The following STK40 variants were observed in gnomAD, a reference collection of about 807,000 sequenced individuals.
The protein encoded by STK40 is serine/threonine kinase 40, also known as serine/threonine-protein kinase 40.
In STK40, 13 loss-of-function variants were observed where a neutral mutation model predicts 47.9. That is an observed-to-expected ratio of 0.27 (90% CI 0.18 to 0.43). The LOEUF is 0.43. Among genes scored for constraint, STK40 ranks in the 20% least tolerant of loss-of-function variants. The pLI is 1.00. For synonymous variants in STK40, 225 were observed against 243.2 expected, an observed-to-expected ratio of 0.93 and a Z score of 0.69; for missense variants, 460 against 595.1, an observed-to-expected ratio of 0.77 and a Z score of 2.36.
intron 1 of STK40, among the ~76,000 whole-genome samples, chr1:36,380,244 T>G (rs1178638606): frequency 1.3e-5 from 2 of 152,192 alleles, no homozygotes; most frequent in African/African-American, 4.8e-5. Flanking sequence ...TCAGATCATT[T>G]TCTCGTTTAC....
At chr1:36,369,334 T>G (rs1346634671) in intron 1 of STK40, among the ~76,000 whole-genome samples, 1 of 152,110 alleles carries the variant, frequency 6.6e-6, no homozygotes, top group Non-Finnish European at 1.5e-5. Flanking sequence ...CAGCCACCTG[T>G]GTAAGTGGGG....
intron 2 of STK40, among the ~76,000 whole-genome samples, 159 bp downstream of exon 2, chr1:36,361,062 A>G (rs1646847834): frequency 2.0e-5 from 3 of 152,166 alleles, no homozygotes; most frequent in African/African-American, 7.2e-5. Flanking sequence ...ATTCTGTTTC[A>G]AGTAGTGAAG....
Position 36,355,411 on chromosome 1 carries a change from T to G in STK40, c.365A>C (p.Glu122Ala). 1 of 1,614,206 alleles carries G rather than the reference T, an allele frequency of 6.2e-7. No homozygotes were observed. The highest frequency in any genetic ancestry group is 8.5e-7 in the Non-Finnish European group (1 of 1,180,028). ...AACCATCCGGCTGGATTCTGTGTCC[T>G]CAACGATTTCACAGGTGCGGTCCTG... ...LFQDRTCEIV[E>A]DTESSRMVKK... The change falls in exon 5 of 11, where the codon GAG (glutamate) becomes GCG (alanine). Residue 122 changes from glutamate to alanine, a missense_variant. Physicochemically the swap from Glu to Ala is moderately radical, Grantham distance 107. Transcript: ENST00000373132.
intron 1 of STK40, among the ~76,000 whole-genome samples, chr1:36,382,251 C>T (rs1398045305): frequency 6.6e-6 from 1 of 152,088 alleles, no homozygotes; most frequent in Non-Finnish European, 1.5e-5. Context: ...GCAATCTCGG[C>T]TCACTGCACC....
chr1:36,353,560 G>A (rs541688101), intron 6 of STK40, among the ~76,000 whole-genome samples: 18 of 152,326 alleles, frequency 1.2e-4, no homozygotes, highest in Middle Eastern at 3.4e-3. Context: ...AGAGCTGGTG[G>A]CATTTTACAG....
chr1:36,351,385 G>C (rs928321183), intron 6 of STK40, among the ~76,000 whole-genome samples: 5 of 152,152 alleles, frequency 3.3e-5, no homozygotes, highest in Non-Finnish European at 7.3e-5. Context: ...CATGATGGGT[G>C]GGAAGGGGCT....
intron 7 of STK40, among the ~76,000 whole-genome samples, chr1:36,347,894 C>T (rs1441729994): frequency 6.6e-6 from 1 of 152,152 alleles, no homozygotes; most frequent in Admixed American, 6.5e-5. Context: ...CTTATGATCC[C>T]GCCACAGCCT....
chr1:36,351,650 C>T (rs1646759559), intron 6 of STK40, among the ~76,000 whole-genome samples: 1 of 152,150 alleles, frequency 6.6e-6, no homozygotes, highest in African/African-American at 2.4e-5. Flanking sequence ...CATTCTGCAC[C>T]CTGAGGAGCA....
intron 1 of STK40, among the ~76,000 whole-genome samples, chr1:36,371,598 G>C (rs1357352826): frequency 6.7e-6 from 1 of 150,000 alleles, no homozygotes; most frequent in African/African-American, 2.5e-5. Context: ...AGTCTGGCTG[G>C]GTGCCATGGG....
In STK40 at chr1:36,348,678, A is replaced by T. The variant is rs1206059099; in HGVS notation, c.739+22T>A. The T allele has an allele frequency of 8.2e-6, 13 of 1,582,418 alleles. No individual in the cohort carries two copies. In the East Asian group the frequency reaches 3.0e-4, roughly 37 times the overall value. The stretch of plus-strand genomic sequence containing the variant: ...CTGGCTGTATTGAGCTTAGAGGCCC[A>T]ATGTCTGGCACACACACGTACCGCT... On this transcript the variant is annotated intron_variant, in intron 7 of 10. Transcript: ENST00000373132.
chr1:36,372,265 C>A (rs1360241790), intron 1 of STK40, among the ~76,000 whole-genome samples: 1 of 151,806 alleles, frequency 6.6e-6, no homozygotes, highest in Non-Finnish European at 1.5e-5. Flanking sequence ...GGGAGGATCA[C>A]TTGAGCCCAG....
rs1275425588 is a variant in STK40 at position 36,358,786 on chromosome 1, A to C, written c.149T>G (p.Val50Gly). Residue 50 changes from valine to glycine, a missense_variant, in exon 3 of 11, where the codon GTG becomes GGG. Val to Gly is a moderately radical substitution (Grantham distance 109). This residue lies in a region of STK40 where 277 missense variants were observed against 358.7 expected (regional missense o/e 0.77). Coordinates refer to ENST00000373132, the MANE Select transcript of STK40 (RefSeq NM_001282547.2). ...RLGNSPVPSI[V>G]QCLARKDGTD... Reference sequence around the variant, plus strand: ...GCCATCTTTCCTCGCCAAACACTGCACTATGCTTGGCACCGGTGAGTTGCC... The same window carrying C: ...GCCATCTTTCCTCGCCAAACACTGCCCTATGCTTGGCACCGGTGAGTTGCC... 2 of 1,614,044 alleles carry C rather than the reference A, an allele frequency of 1.2e-6. No homozygotes were observed. Among genetic ancestry groups the C allele is most frequent in the Non-Finnish European group, 1.7e-6 (2 of 1,180,040 alleles).
At chr1:36,345,326 T>C (rs1283986233) in intron 7 of STK40, among the ~76,000 whole-genome samples, 1 of 152,162 alleles carries the variant, frequency 6.6e-6, no homozygotes, top group Non-Finnish European at 1.5e-5. Context: ...CGGGAGAGGG[T>C]GTGCCATGTG....
At chr1:36,349,791 C>T (rs1646734569) in intron 6 of STK40, among the ~76,000 whole-genome samples, 1 of 152,088 alleles carries the variant, frequency 6.6e-6, no homozygotes, top group African/African-American at 2.4e-5. Context: ...CAGGCCCTGT[C>T]TAAGAGGCCT....
chr1:36,376,289 T>C (rs1646991759), intron 1 of STK40, among the ~76,000 whole-genome samples: 1 of 152,218 alleles, frequency 6.6e-6, no homozygotes, highest in Non-Finnish European at 1.5e-5. Flanking sequence ...GTTCATTACC[T>C]GTCTGCTTAT....
chr1:36,348,922 G>A, intron 6 of STK40, 107 bp from the exon 7 acceptor site: 1 of 938,654 alleles, frequency 1.1e-6, no homozygotes, highest in Non-Finnish European at 1.7e-6. Context: ...CTGAACAGTA[G>A]GAGGTAGGCT....
rs1489614346 is a variant in STK40, at chr1:36,340,474, ACT to A, written c.*1279_*1280del. 6.6e-6 allele frequency: 1 copy of A among 152,516 alleles called. No homozygotes were observed. The highest frequency in any genetic ancestry group is 1.5e-5 in the Non-Finnish European group (1 of 68,094). The allele number at this position is 152,516 out of a possible 1,614,324, so 9.4% of individuals were successfully genotyped here. On this transcript the variant is annotated 3_prime_UTR_variant, in exon 11 of 11. Transcript: ENST00000373132. ...GGGCCCATGACTGCCTGGAGGGGACACTCAGCCTCTCTGAGGACATATGGGGG... is the reference window on the plus strand; with the variant it reads ...GGGCCCATGACTGCCTGGAGGGGACACAGCCTCTCTGAGGACATATGGGGG...
intron 1 of STK40, among the ~76,000 whole-genome samples, chr1:36,373,254 T>G (rs1184922442): frequency 6.6e-6 from 1 of 152,198 alleles, no homozygotes; most frequent in Non-Finnish European, 1.5e-5. Flanking sequence ...GGGTGCTCCC[T>G]GCTCCGTGCT....
chr1:36,375,983 T>C (rs374345989), intron 1 of STK40, among the ~76,000 whole-genome samples: 11 of 151,812 alleles, frequency 7.2e-5, no homozygotes, highest in African/African-American at 2.7e-4. Context: ...GATCGCGCCA[T>C]TGCACTCCAG....
Sources: allele counts gnomAD v4.1 joint callset (sites outside exome capture counted in the v4.1 genomes callset), GRCh38; gene constraint gnomAD v4.1.1; regional missense constraint gnomAD v4.1.1; transcripts MANE v1.5; gene names NCBI Gene and HGNC (gene_info 2026-07-23, HGNC 2026-07-21).